CEP170: variants seen among roughly 807,000 people sequenced by gnomAD.
CEP170 encodes the protein centrosomal protein 170, also known as centrosomal protein of 170 kDa.
A neutral mutation model predicts 151.9 loss-of-function variants in CEP170; 21 were observed. The observed-to-expected ratio is 0.14, with a 90% CI of 0.10 to 0.20. The LOEUF (loss-of-function observed/expected upper bound fraction) is 0.20, where lower values mean the gene tolerates loss of function less well. Among genes scored for constraint, CEP170 ranks in the 10% least tolerant of loss-of-function variants. CEP170 has a pLI of 1.00. For missense variants in CEP170, 964 were observed against 1,892.9 expected (o/e 0.51, Z 9.11); for synonymous variants, 356 against 648.8 (o/e 0.55, Z 6.86).
chr1:243,206,239 T>C (rs1357160446), intron 4 of CEP170, among the ~76,000 whole-genome samples: 3 of 152,158 alleles, frequency 2.0e-5, no homozygotes. Flanking sequence ...GTTCAAGAGA[T>C]TCTCCTGCCT....
chr1:243,127,218 C>T (rs1451108568), intron 19 of CEP170, among the ~76,000 whole-genome samples: 3 of 152,098 alleles, frequency 2.0e-5, no homozygotes, highest in African/African-American at 7.2e-5. Context: ...TTTAGCCTGG[C>T]CAGAGTGCTA....
intron 8 of CEP170, among the ~76,000 whole-genome samples, chr1:243,187,017 C>T (rs1352038005): frequency 6.6e-6 from 1 of 152,068 alleles, no homozygotes; most frequent in Non-Finnish European, 1.5e-5. Context: ...CATATCTTTC[C>T]AGCTATGAGA....
At chr1:243,212,367 A>G (rs1018593963) in intron 3 of CEP170, among the ~76,000 whole-genome samples, 2 of 152,300 alleles carry the variant, frequency 1.3e-5, no homozygotes, top group South Asian at 4.1e-4. Flanking sequence ...ACATTTCATT[A>G]CTTTTATTTT....
intron 1 of CEP170, among the ~76,000 whole-genome samples, chr1:243,238,967 CT>C (rs1558683221): frequency 6.6e-6 from 1 of 152,196 alleles, no homozygotes; most frequent in African/African-American, 2.4e-5. Flanking sequence ...AAAGTGTCTA[CT>C]TTTTCTTTAA....
chr1:243,191,186 G>T lies in CEP170; in HGVS notation c.940C>A (p.Pro314Thr). Residue 314 changes from proline to threonine, a missense_variant, in exon 8 of 20, where the codon CCT (proline) becomes ACT (threonine). Transcript: ENST00000366542. ...ATCCCCAGCAAGTCTTGAGTTCCAGGAGAAGACTTCTTGGACTTGTGGCGC... is the reference window on the plus strand; with the variant it reads ...ATCCCCAGCAAGTCTTGAGTTCCAGTAGAAGACTTCTTGGACTTGTGGCGC... ...DQRHKSKKSSPGTQDLLGIQT... is the reference protein window; with the variant it reads ...DQRHKSKKSSTGTQDLLGIQT... 1 of 1,611,938 alleles carries T rather than the reference G, an allele frequency of 6.2e-7. No homozygotes were observed.
At chr1:243,159,802 T>TGTGTGTGTGTGTGTG (rs58250126) in intron 13 of CEP170, among the ~76,000 whole-genome samples, 30 of 150,986 alleles carry the variant, frequency 2.0e-4, no homozygotes, top group African/African-American at 2.4e-4. Flanking sequence ...TGTGTGTGTG[T>TGTGTGTGTGTGTGTG]TTTTGAGATG....
At chr1:243,212,057 C>T (rs998942034) in intron 3 of CEP170, 93 bp from the exon 4 acceptor site, 63 of 1,217,148 alleles carry the variant, frequency 5.2e-5, no homozygotes, top group Non-Finnish European at 6.4e-5. Flanking sequence ...GAGTTAAAAG[C>T]ACATATCATA....
At chr1:243,244,494 G>A (rs916034800) in intron 1 of CEP170, among the ~76,000 whole-genome samples, 38 of 152,182 alleles carry the variant, frequency 2.5e-4, no homozygotes, top group African/African-American at 8.4e-4. Flanking sequence ...TGTAATCACA[G>A]CACTTTGGGA....
intron 1 of CEP170, among the ~76,000 whole-genome samples, chr1:243,230,824 A>G (rs1011962740): frequency 6.6e-6 from 1 of 152,236 alleles, no homozygotes; most frequent in Non-Finnish European, 1.5e-5. Flanking sequence ...AATATGACAG[A>G]AAAGTATTTG....
chr1:243,212,085 T>G (rs1459104082), intron 3 of CEP170, 121 bp from the exon 4 acceptor site: 1 of 1,125,934 alleles, frequency 8.9e-7, no homozygotes, highest in African/African-American at 1.6e-5. Context: ...TAATACAGCC[T>G]GAGTATCATA....
At chr1:243,149,921 T>C (rs1472301140) in intron 14 of CEP170, among the ~76,000 whole-genome samples, 2 of 152,014 alleles carry the variant, frequency 1.3e-5, no homozygotes, top group Admixed American at 1.3e-4. Flanking sequence ...CTGTTAAGAT[T>C]ATCACTCATT....
At chr1:243,224,169 C>G (rs1204532995) in intron 2 of CEP170, among the ~76,000 whole-genome samples, 4 of 152,184 alleles carry the variant, frequency 2.6e-5, no homozygotes, top group African/African-American at 9.7e-5. Context: ...TAATAAAAAT[C>G]TCTCAGAAAT....
intron 1 of CEP170, among the ~76,000 whole-genome samples, chr1:243,235,949 A>C (rs948564580): frequency 2.0e-5 from 3 of 152,234 alleles, no homozygotes; most frequent in African/African-American, 7.2e-5. Context: ...CTGTCAGTTT[A>C]TGAAACACGT....
intron 3 of CEP170, among the ~76,000 whole-genome samples, chr1:243,219,489 T>C (rs1002363243): frequency 1.3e-5 from 2 of 152,218 alleles, no homozygotes; most frequent in African/African-American, 4.8e-5. Context: ...TATTATTGAG[T>C]ATAATCAAAT....
At chr1:243,204,576 A>G (rs1271828691) in intron 4 of CEP170, among the ~76,000 whole-genome samples, 1 of 152,192 alleles carries the variant, frequency 6.6e-6, no homozygotes, top group African/African-American at 2.4e-5. Flanking sequence ...AATTTCCCAC[A>G]AAATGTGGAA....
intron 1 of CEP170, among the ~76,000 whole-genome samples, chr1:243,236,831 G>C (rs188834644): frequency 2.0e-5 from 3 of 152,296 alleles, no homozygotes; most frequent in South Asian, 2.1e-4. Flanking sequence ...GGTCTGTTAC[G>C]ATCCTGAAAG....
Position 243,223,725 on chromosome 1 carries a change from A to G in CEP170, c.105+1451T>C, listed in dbSNP as rs561776205. ...CTGTTATGTGGGATCACAAGAATACATCGTTTGTTTGTTTAATAAAGACAG... is the reference window on the plus strand; with the variant it reads ...CTGTTATGTGGGATCACAAGAATACGTCGTTTGTTTGTTTAATAAAGACAG... On this transcript the variant is annotated intron_variant, in intron 2 of 19. Coordinates refer to ENST00000366542, the MANE Select transcript of CEP170 (RefSeq NM_014812.3). 2.6e-5 allele frequency among the ~76,000 whole-genome samples: 4 copies of G among 152,326 alleles called. No individual in the cohort carries two copies. In the East Asian group the frequency reaches 7.7e-4, roughly 29 times the overall value.
chr1:243,173,490 C>A (rs2059003838), intron 10 of CEP170, among the ~76,000 whole-genome samples: 1 of 151,622 alleles, frequency 6.6e-6, no homozygotes, highest in Admixed American at 6.6e-5. Context: ...AATCCCAGCA[C>A]TTTGGGAGGC....
chr1:243,131,385 A>C (rs2054386991), intron 17 of CEP170, among the ~76,000 whole-genome samples: 1 of 152,076 alleles, frequency 6.6e-6, no homozygotes, highest in East Asian at 1.9e-4. Context: ...CTAGCTACTA[A>C]GAAGGCTGAG....
Sources: allele counts gnomAD v4.1 joint callset (sites outside exome capture counted in the v4.1 genomes callset), GRCh38; gene constraint gnomAD v4.1.1; transcripts MANE v1.5; gene names NCBI Gene and HGNC (gene_info 2026-07-23, HGNC 2026-07-21).